The following PHF3 variants were observed in gnomAD, a reference collection of about 807,000 sequenced individuals.
PHF3 encodes the protein PHD finger protein 3.
A neutral mutation model predicts 178.4 loss-of-function variants in PHF3; 41 were observed. The observed-to-expected ratio is 0.23, with a 90% CI of 0.18 to 0.30. PHF3 has a LOEUF of 0.30. Ranked by LOEUF, PHF3 falls within the 10% of genes least tolerant of loss-of-function variation. The probability of loss-of-function intolerance (pLI) is 1.00; values close to 1 mark genes in which losing one functional copy is unlikely to be tolerated. For missense variants in PHF3, 2,346 were observed against 2,398.1 expected, an observed-to-expected ratio of 0.98 and a Z score of 0.45; for synonymous variants, 842 against 800.5, an observed-to-expected ratio of 1.05 and a Z score of -0.88.
chr6:63,657,060 T>C (rs528860692), intron 2 of PHF3, among the ~76,000 whole-genome samples: 7 of 152,306 alleles, frequency 4.6e-5, no homozygotes, highest in Middle Eastern at 3.4e-3. Flanking sequence ...CTGGGAACTT[T>C]TCTTGTGTTT....
At chr6:63,637,575 C>T (rs946137759) in intron 1 of PHF3, among the ~76,000 whole-genome samples, 2 of 152,086 alleles carry the variant, frequency 1.3e-5, no homozygotes, top group African/African-American at 4.8e-5. Context: ...GACCTTTTCC[C>T]CACTAATTTT....
chr6:63,651,519 G>A (rs991276560), intron 2 of PHF3, among the ~76,000 whole-genome samples: 23 of 152,022 alleles, frequency 1.5e-4, no homozygotes, highest in Non-Finnish European at 3.1e-4. Flanking sequence ...CTGCCACCAT[G>A]CCCAGCTAGT....
Position 63,684,981 on chromosome 6 carries a change from A to C in PHF3, c.1259A>C (p.Asn420Thr). 6.2e-7 allele frequency: 1 copy of C among 1,614,056 alleles called. No individual in the cohort carries two copies. The highest frequency in any genetic ancestry group is 8.5e-7 in the Non-Finnish European group (1 of 1,179,954). The change falls in exon 4 of 16, where the codon AAC becomes ACC. Residue 420 changes from asparagine (N) to threonine (T), a missense_variant. Physicochemically the swap from Asn to Thr is moderately conservative, Grantham distance 65. This residue lies in a region of PHF3 where 843 missense variants were observed against 795.2 expected (regional missense o/e 1.06). Coordinates refer to ENST00000262043, the MANE Select transcript of PHF3 (RefSeq NM_001370348.2). ...GAGAGCACTGAGTTTAATAAATCAA[A>C]CTTAGAGGTGGTTGATACTAGTACT... Reference protein sequence around the residue: ...QLESTEFNKSNLEVVDTSTFG... With the variant: ...QLESTEFNKSTLEVVDTSTFG...
At position 63,659,493 on chromosome 6, in the gene PHF3, A is replaced by G. The variant is rs564817094; in HGVS notation, c.244+12698A>G. ...TTTATATATAAAGGAAGTTGAAAAA[A>G]TAGTTAAAATGTGTGGATGTTAATG... On this transcript the variant is annotated intron_variant, in intron 2 of 15. Transcript: ENST00000262043. 2.2e-4 allele frequency among the ~76,000 whole-genome samples: 33 copies of G among 152,308 alleles called. 1 individual carries two copies. The South Asian group carries it at 6.6e-3, about 31-fold the overall frequency.
Position 63,703,065 on chromosome 6 carries a change from A to T in PHF3, c.3231+426A>T, listed in dbSNP as rs1488788930. Among the ~76,000 whole-genome samples the T allele has an allele frequency of 2.6e-5, 4 of 152,074 alleles. No homozygotes were observed. The South Asian group carries it at 6.2e-4, about 24-fold the overall frequency. On this transcript the variant is annotated intron_variant, in intron 10 of 15. Coordinates refer to ENST00000262043, the MANE Select transcript of PHF3 (RefSeq NM_001370348.2). ...GCTAATTTTTGTATTTTTAGTAGAG[A>T]CAGAGTTTCACCATGTTGGCCAGGC...
In PHF3 at chr6:63,685,669, C is replaced by A; in HGVS notation, c.1947C>A (p.His649Gln). ...GTCACGTGAAGGAAGAGCTTGAACACCCAGGCGTTGAGCATTTTAAGGAAG... is the reference window on the plus strand; with the variant it reads ...GTCACGTGAAGGAAGAGCTTGAACAACCAGGCGTTGAGCATTTTAAGGAAG... ...TNSHVKEELE[H>Q]PGVEHFKEED... The change falls in exon 4 of 16, where the codon CAC (histidine) becomes CAA (glutamine). Residue 649 changes from histidine (H) to glutamine (Q), a missense_variant. Around this residue, in one of 8 missense-constraint regions of PHF3, gnomAD observed 843 missense variants for 795.2 expected, o/e 1.06. Transcript: ENST00000262043. 1.2e-6 allele frequency: 2 copies of A among 1,614,004 alleles called. No individual in the cohort carries two copies.
intron 1 of PHF3, 127 bp downstream of exon 1, chr6:63,636,277 C>T (rs1764329768): frequency 4.1e-6 from 1 of 242,028 alleles, no homozygotes; most frequent in Middle Eastern, 1.2e-3. Flanking sequence ...CGCTTTTCTC[C>T]CGCGCAGCCG....
Position 63,720,044 on chromosome 6 carries a change from C to G in PHF3, c.*6336C>G, listed in dbSNP as rs1185384897. 1 of 152,556 alleles carries G rather than the reference C, an allele frequency of 6.6e-6. No homozygotes were observed. The highest frequency in any genetic ancestry group is 1.5e-5 in the Non-Finnish European group (1 of 68,338). 9.5% of individuals were successfully genotyped at this position (152,556 alleles called of 1,614,324 possible). The stretch of plus-strand genomic sequence containing the variant: ...TCCTCTCACCTTCTCTTTCTACATT[C>G]ATGCAATAATTTTTGGTTTAAATCT... On this transcript the variant is annotated 3_prime_UTR_variant, in exon 16 of 16. Coordinates refer to ENST00000262043, the MANE Select transcript of PHF3 (RefSeq NM_001370348.2).
chr6:63,706,083 T>C lies in PHF3; in HGVS notation c.3422T>C (p.Val1141Ala). Residue 1141 changes from valine (V) to alanine (A), a missense_variant, in exon 12 of 16, where the codon GTA (valine) becomes GCA (alanine). Transcript: ENST00000262043. Reference protein sequence around the residue: ...DLSPKKVKVVVGVARKHSDNE... With the variant: ...DLSPKKVKVVAGVARKHSDNE... ...TCTCCAAAAAAAGTAAAAGTTGTTG[T>C]AGGAGTAGCTCGCAAACATTCAGAC... 3 of 1,613,912 alleles carry C rather than the reference T, an allele frequency of 1.9e-6. No individual in the cohort carries two copies. The highest frequency in any genetic ancestry group is 8.5e-7 in the Non-Finnish European group (1 of 1,179,930).
chr6:63,700,549 C>A, intron 9 of PHF3, 83 bp downstream of exon 9: 1 of 717,748 alleles, frequency 1.4e-6, no homozygotes, highest in South Asian at 1.7e-5. Flanking sequence ...GAGGTAAATT[C>A]AACACAGACT....
rs376436898 is a variant in PHF3, at chr6:63,703,612, A to G, written c.3308A>G (p.Lys1103Arg). 6 of 1,613,056 alleles carry G rather than the reference A, an allele frequency of 3.7e-6. No homozygotes were observed. In the African/African-American group the frequency reaches 8.0e-5, roughly 22 times the overall value. The stretch of plus-strand genomic sequence containing the variant: ...AAAGAGGAGGTTGACTCTATGTCTA[A>G]AGATACCACTAGTCAACACAGACAG... ...KQKEEVDSMS[K>R]DTTSQHRQHL... is the part of the protein sequence containing the mutation. Residue 1103 changes from lysine (K) to arginine (R), a missense_variant, in exon 11 of 16, where the codon AAA becomes AGA. Around this residue, in one of 8 missense-constraint regions of PHF3, gnomAD observed 205 missense variants for 212.4 expected, o/e 0.97. Coordinates refer to ENST00000262043, the MANE Select transcript of PHF3 (RefSeq NM_001370348.2).
intron 4 of PHF3, 111 bp downstream of exon 4, chr6:63,686,022 C>G: frequency 1.4e-6 from 1 of 702,682 alleles, no homozygotes; most frequent in South Asian, 1.9e-5. Context: ...ACACAGAGAC[C>G]TGTGCAAAAA....
intron 2 of PHF3, among the ~76,000 whole-genome samples, chr6:63,659,370 T>A (rs374217792): frequency 6.6e-6 from 1 of 152,206 alleles, no homozygotes; most frequent in Non-Finnish European, 1.5e-5. Context: ...ATGAAACTAG[T>A]GTTAATCTTA....
intron 10 of PHF3, among the ~76,000 whole-genome samples, chr6:63,702,987 G>A (rs1271197021): frequency 6.6e-6 from 1 of 152,080 alleles, no homozygotes; most frequent in Non-Finnish European, 1.5e-5. Flanking sequence ...AAGCGATGCT[G>A]CCACCTCAGC....
chr6:63,656,766 GT>G (rs1416584043), intron 2 of PHF3, among the ~76,000 whole-genome samples: 7 of 152,180 alleles, frequency 4.6e-5, no homozygotes, highest in African/African-American at 1.7e-4. Context: ...TCATACTTGA[GT>G]AATGATTTGG....
intron 2 of PHF3, among the ~76,000 whole-genome samples, chr6:63,678,583 C>CTT (rs879702087): frequency 3.5e-5 from 5 of 144,826 alleles, no homozygotes; most frequent in African/African-American, 1.3e-4. Context: ...TTCTGCCAAT[C>CTT]TTTTTTTTTT....
intron 8 of PHF3, among the ~76,000 whole-genome samples, chr6:63,698,901 C>T (rs1041007388): frequency 6.6e-6 from 1 of 152,006 alleles, no homozygotes; most frequent in African/African-American, 2.4e-5. Flanking sequence ...ATGTATTCTT[C>T]AAAAACTTTT....
chr6:63,703,600 A>C lies in PHF3; in HGVS notation c.3296A>C (p.Asp1099Ala). The change falls in exon 11 of 16, where the codon GAC (aspartate) becomes GCC (alanine). Residue 1099 changes from aspartate to alanine, a missense_variant. Physicochemically the swap from Asp to Ala is moderately radical, Grantham distance 126 (BLOSUM62 -2). Transcript: ENST00000262043. ...TCTGAAAAACAAAAAGAGGAGGTTG[A>C]CTCTATGTCTAAAGATACCACTAGT... ...EGSEKQKEEVDSMSKDTTSQH... is the reference protein window; with the variant it reads ...EGSEKQKEEVASMSKDTTSQH... The C allele has an allele frequency of 6.2e-7, 1 of 1,613,166 alleles. No homozygotes were observed. Among genetic ancestry groups the C allele is most frequent in the Non-Finnish European group, 8.5e-7 (1 of 1,179,636 alleles).
At chr6:63,703,444 T>G (rs1321021962) in intron 10 of PHF3, 92 bp from the exon 11 acceptor site, 15 of 1,338,960 alleles carry the variant, frequency 1.1e-5, no homozygotes, top group Non-Finnish European at 1.5e-5. Flanking sequence ...AACTGCATTT[T>G]AGGAAAATAT....
Sources: allele counts gnomAD v4.1 joint callset (sites outside exome capture counted in the v4.1 genomes callset), GRCh38; gene constraint gnomAD v4.1.1; regional missense constraint gnomAD v4.1.1; transcripts MANE v1.5; gene names NCBI Gene and HGNC (gene_info 2026-07-23, HGNC 2026-07-21).